The following NRXN3 variants were observed in gnomAD, a reference collection of about 807,000 sequenced individuals.
The protein encoded by NRXN3 is neurexin III.
Under a neutral mutation model 137.6 loss-of-function variants are expected in NRXN3, and 32 were observed. That is an observed-to-expected ratio of 0.23 (90% CI 0.18 to 0.31). The LOEUF is 0.31. Among genes scored for constraint, NRXN3 ranks in the 10% least tolerant of loss-of-function variants. The pLI, the probability that NRXN3 is intolerant of heterozygous loss-of-function variation, is 1.00. For synonymous variants in NRXN3, 798 were observed against 784.5 expected, an observed-to-expected ratio of 1.02 and a Z score of -0.29; for missense variants, 1,574 against 2,062.5, an observed-to-expected ratio of 0.76 and a Z score of 4.59.
At chr14:79,617,013 T>C (rs745490542) in intron 16 of NRXN3, among the ~76,000 whole-genome samples, 4 of 152,098 alleles carry the variant, frequency 2.6e-5, no homozygotes, top group African/African-American at 9.7e-5. Flanking sequence ...ATAGGCCTGA[T>C]AGTCAATCCT....
chr14:78,603,944 A>T (rs765594629), intron 4 of NRXN3, among the ~76,000 whole-genome samples: 46 of 152,230 alleles, frequency 3.0e-4, no homozygotes, highest in Non-Finnish European at 6.2e-4. Flanking sequence ...CTGCTAATAA[A>T]GACATACCCG....
chr14:78,826,738 C>CT (rs1426926017), intron 10 of NRXN3, among the ~76,000 whole-genome samples: 1 of 152,098 alleles, frequency 6.6e-6, no homozygotes, highest in East Asian at 1.9e-4. Flanking sequence ...CAAAATTTAG[C>CT]TTGTTCTATA....
intron 4 of NRXN3, among the ~76,000 whole-genome samples, chr14:78,539,226 A>G (rs1014709704): frequency 6.6e-6 from 1 of 152,096 alleles, no homozygotes; most frequent in Non-Finnish European, 1.5e-5. Context: ...AGAATTTGGC[A>G]GTGAATCCAT....
intron 15 of NRXN3, among the ~76,000 whole-genome samples, chr14:79,153,920 C>T (rs1346981724): frequency 6.6e-6 from 1 of 151,932 alleles, no homozygotes; most frequent in African/African-American, 2.4e-5. Flanking sequence ...CTCACAGATG[C>T]TCACAGAAGT....
At chr14:79,284,935 T>A (rs2153450501) in intron 15 of NRXN3, among the ~76,000 whole-genome samples, 1 of 152,320 alleles carries the variant, frequency 6.6e-6, no homozygotes, top group African/African-American at 2.4e-5. Context: ...ATCTTTGGCC[T>A]TGGTGATGAA....
intron 15 of NRXN3, among the ~76,000 whole-genome samples, chr14:79,044,709 AC>A (rs1457896438): frequency 6.6e-5 from 10 of 152,106 alleles, no homozygotes; most frequent in Non-Finnish European, 1.3e-4. Flanking sequence ...ACACACACAC[AC>A]ACACACACAC....
chr14:79,592,667 G>A (rs958014717), intron 16 of NRXN3, among the ~76,000 whole-genome samples: 4 of 152,016 alleles, frequency 2.6e-5, no homozygotes, highest in African/African-American at 9.7e-5. Flanking sequence ...TTACTAAAAT[G>A]ATTTTCTAAG....
chr14:79,674,363 C>T (rs957475379), intron 17 of NRXN3, among the ~76,000 whole-genome samples: 3 of 152,006 alleles, frequency 2.0e-5, no homozygotes, highest in Non-Finnish European at 4.4e-5. Flanking sequence ...ATACCTTCAA[C>T]ACAGTCAAAA....
chr14:79,529,711 T>C (rs777804383), intron 16 of NRXN3, among the ~76,000 whole-genome samples: 15 of 152,220 alleles, frequency 9.9e-5, no homozygotes, highest in Non-Finnish European at 1.5e-4. Flanking sequence ...CTCTCTGAAA[T>C]TTTGTTGTTA....
At chr14:79,138,587 A>G (rs936942423) in intron 15 of NRXN3, among the ~76,000 whole-genome samples, 1 of 152,254 alleles carries the variant, frequency 6.6e-6, no homozygotes, top group Non-Finnish European at 1.5e-5. Flanking sequence ...CCAATGCCTA[A>G]TTAGGATTTA....
chr14:78,636,703 C>T (rs2097570030), intron 4 of NRXN3, among the ~76,000 whole-genome samples: 2 of 152,068 alleles, frequency 1.3e-5, no homozygotes, highest in African/African-American at 2.4e-5. Flanking sequence ...AGCATAATTA[C>T]AGTTTTGCTT....
At chr14:79,119,191 A>G (rs1459327143) in intron 15 of NRXN3, among the ~76,000 whole-genome samples, 1 of 152,106 alleles carries the variant, frequency 6.6e-6, no homozygotes, top group East Asian at 1.9e-4. Context: ...CTTAAACTTA[A>G]ATCTATAGTA....
intron 4 of NRXN3, among the ~76,000 whole-genome samples, chr14:78,617,026 C>T (rs1051412140): frequency 3.9e-5 from 6 of 152,178 alleles, no homozygotes; most frequent in Admixed American, 1.3e-4. Flanking sequence ...CTGCACTAAC[C>T]TAAATAATCT....
At chr14:78,762,186 C>T (rs1261521910) in intron 8 of NRXN3, among the ~76,000 whole-genome samples, 1 of 151,984 alleles carries the variant, frequency 6.6e-6, no homozygotes, top group African/African-American at 2.4e-5. Flanking sequence ...CATGACTGAA[C>T]CTGTCTTCTT....
rs567846045 is a variant in NRXN3 at position 78,995,059 on chromosome 14, A to G, written c.3262+6918A>G. Reference sequence around the variant, plus strand: ...TTCGATTTGCTGCCACTTAGTCATTATTAGAAATAACAGTTTAACATCTGT... The same window carrying G: ...TTCGATTTGCTGCCACTTAGTCATTGTTAGAAATAACAGTTTAACATCTGT... On this transcript the variant is annotated intron_variant, in intron 15 of 20. Coordinates refer to ENST00000335750, the MANE Select transcript of NRXN3 (RefSeq NM_001330195.2). Among the ~76,000 whole-genome samples, 14 of 152,336 alleles carry G rather than the reference A, an allele frequency of 9.2e-5. No individual in the cohort carries two copies. The East Asian group carries it at 2.5e-3, about 27-fold the overall frequency.
At chr14:79,088,111 G>C (rs865788820) in intron 15 of NRXN3, among the ~76,000 whole-genome samples, 3 of 149,890 alleles carry the variant, frequency 2.0e-5, no homozygotes, top group Non-Finnish European at 2.9e-5. Flanking sequence ...CGCATGATAG[G>C]CCAGGGAGAA....
At chr14:78,466,447 C>T (rs1469451176) in intron 4 of NRXN3, among the ~76,000 whole-genome samples, 1 of 152,170 alleles carries the variant, frequency 6.6e-6, no homozygotes, top group Non-Finnish European at 1.5e-5. Context: ...CAGAGGAGAA[C>T]ATTCCTAGGC....
chr14:79,388,768 C>T (rs1330007722), intron 15 of NRXN3, among the ~76,000 whole-genome samples: 1 of 152,062 alleles, frequency 6.6e-6, no homozygotes, highest in Non-Finnish European at 1.5e-5. Context: ...TGCCTGGGTC[C>T]CCACTCCAAT....
intron 1 of NRXN3, among the ~76,000 whole-genome samples, chr14:78,237,687 G>A (rs1401730940): frequency 3.3e-5 from 5 of 152,198 alleles, no homozygotes; most frequent in Admixed American, 3.3e-4. Context: ...TGTCCCAGTT[G>A]ACTAAACTGG....
Sources: allele counts gnomAD v4.1 joint callset (sites outside exome capture counted in the v4.1 genomes callset), GRCh38; gene constraint gnomAD v4.1.1; transcripts MANE v1.5; gene names NCBI Gene and HGNC (gene_info 2026-07-23, HGNC 2026-07-21).